Variants in ZNF83 observed in about 807,000 individuals in gnomAD.
ZNF83 encodes zinc finger protein 83, also known as zinc finger protein 816B.
For missense variants in ZNF83, 552 were observed against 629.9 expected (o/e 0.88, Z 1.32); for synonymous variants, 209 against 213.0 (o/e 0.98, Z 0.17).
At chr19:52,640,026 T>C (rs1468549384), upstream of ZNF83, among the ~76,000 whole-genome samples, 1 of 152,204 alleles carries the variant, frequency 6.6e-6, no homozygotes, top group Non-Finnish European at 1.5e-5. Context: ...TAGTTCATCC[T>C]GGCTCTATTT....
At chr19:52,641,587 T>C (rs1234168733), upstream of ZNF83, among the ~76,000 whole-genome samples, 1 of 152,186 alleles carries the variant, frequency 6.6e-6, no homozygotes, top group Non-Finnish European at 1.5e-5. Flanking sequence ...TCTTTTCTTT[T>C]ACTGTTTTTT....
At position 52,619,688 on chromosome 19, in the gene ZNF83, T is replaced by C. The variant is rs543327355; in HGVS notation, c.-233-4891A>G. 1.1e-3 allele frequency among the ~76,000 whole-genome samples: 162 copies of C among 151,354 alleles called. 1 individual carries two copies. The highest frequency in any genetic ancestry group is 6.9e-3 in the Middle Eastern group (2 of 288). On this transcript the variant is annotated intron_variant, in intron 2 of 2. Transcript: ENST00000301096. ...CACCAAGTGACACTCAGTATCTAGA[T>C]GAGATAGAGCATGAGTGATGCCTTC...
chr19:52,614,544 A>C (rs1403883375), exon 3 of ZNF83: 3 of 1,598,720 alleles, frequency 1.9e-6, no homozygotes, highest in Non-Finnish European at 2.6e-6. Context: ...GCTTTTGTGC[A>C]TCATCCTTTC....
intron 3 of ZNF83, chr19:52,654,329 T>A (rs750582887): frequency 4.9e-6 from 7 of 1,423,900 alleles, no homozygotes; most frequent in Non-Finnish European, 6.8e-6. Context: ...CTTTGCAATG[T>A]CCCTGTGTGG....
At chr19:52,653,735 A>C (rs1268493614) in intron 3 of ZNF83, among the ~76,000 whole-genome samples, 1 of 152,192 alleles carries the variant, frequency 6.6e-6, no homozygotes, top group African/African-American at 2.4e-5. Flanking sequence ...TTACACTTGT[A>C]AGGTTTTTCT....
chr19:52,627,936 C>T (rs598692), intron 2 of ZNF83, among the ~76,000 whole-genome samples: 36,602 of 151,956 alleles, frequency 0.24, 5,103 homozygotes, highest in East Asian at 0.53. Context: ...ACTGATGACA[C>T]TGTCTTTTGA....
Position 52,687,640 on chromosome 19 carries a change from T to TAC in ZNF83, c.-283+2802_-283+2803insGT. Among the ~76,000 whole-genome samples, 4 of 42,872 alleles carry TAC rather than the reference T, an allele frequency of 9.3e-5. No homozygotes were observed. In the African/African-American group the frequency reaches 1.0e-3, roughly 11 times the overall value. The allele number at this position is 42,872 out of a possible 152,430, so 28.1% of individuals were successfully genotyped here. On this transcript the variant is annotated intron_variant, in intron 1 of 5. Coordinates refer to the ZNF83 transcript ENST00000594682. ...TGTATATATATATATAATGTATATATATATATATATATATATAATGTATAT... is the reference window on the plus strand; with the variant it reads ...TGTATATATATATATAATGTATATATACATATATATATATATATAATGTATAT...
chr19:52,625,180 A>G (rs138368496), intron 2 of ZNF83, among the ~76,000 whole-genome samples: 1 of 151,658 alleles, frequency 6.6e-6, no homozygotes, highest in African/African-American at 2.4e-5. Context: ...ACTCTGCCCC[A>G]CTCCCACAGC....
chr19:52,634,230 C>A (rs1233576531), intron 2 of ZNF83, among the ~76,000 whole-genome samples: 2 of 144,516 alleles, frequency 1.4e-5, no homozygotes, highest in Non-Finnish European at 3.0e-5. Flanking sequence ...CAAGATCAGG[C>A]CGTTGCACTC....
At chr19:52,689,259 T>C (rs7246661) in intron 1 of ZNF83, among the ~76,000 whole-genome samples, 5,317 of 152,274 alleles carry the variant, frequency 0.035, 303 homozygotes, top group African/African-American at 0.12. Context: ...GTACCTAAAA[T>C]AAACAATTCT....
At chr19:52,620,266 A>G (rs372723328) in intron 2 of ZNF83, among the ~76,000 whole-genome samples, 29,302 of 115,692 alleles carry the variant, frequency 0.25, 3,577 homozygotes, top group East Asian at 0.56. Flanking sequence ...GTGTGTGTAT[A>G]TCTCTGTGTG....
chr19:52,620,723 A>T (rs999034509), intron 2 of ZNF83, among the ~76,000 whole-genome samples: 1 of 152,232 alleles, frequency 6.6e-6, no homozygotes, highest in East Asian at 1.9e-4. Flanking sequence ...ATACATCCAG[A>T]TGGTCTGAGG....
intron 2 of ZNF83, among the ~76,000 whole-genome samples, chr19:52,623,746 G>A (rs936841165): frequency 2.0e-5 from 3 of 152,070 alleles, no homozygotes; most frequent in Admixed American, 2.0e-4. Context: ...CAGGCTTTAA[G>A]GGGATTAAAG....
chr19:52,643,033 A>T (rs1175323003), upstream of ZNF83, among the ~76,000 whole-genome samples: 1 of 152,080 alleles, frequency 6.6e-6, no homozygotes, highest in Admixed American at 6.6e-5. Flanking sequence ...GGGTATCTGT[A>T]ATCCCAGCTA....
At chr19:52,670,781 A>G (rs528963914) in intron 1 of ZNF83, among the ~76,000 whole-genome samples, 4 of 152,312 alleles carry the variant, frequency 2.6e-5, no homozygotes, top group Non-Finnish European at 4.4e-5. Context: ...TTTGTTCAGA[A>G]AGGTGGGACA....
exon 3 of ZNF83, chr19:52,614,418 A>G (rs190305385): frequency 8.1e-6 from 13 of 1,613,614 alleles, no homozygotes; most frequent in African/African-American, 5.3e-5. Context: ...CTAAGGAACT[A>G]CTGTTGACAG....
chr19:52,687,476 C>A (rs199796389), intron 1 of ZNF83, among the ~76,000 whole-genome samples: 983 of 45,634 alleles, frequency 0.022, 326 homozygotes, highest in African/African-American at 0.11. Flanking sequence ...ATTTATATAT[C>A]TATATAAATT....
At chr19:52,657,755 G>T (rs2061525222) in intron 2 of ZNF83, among the ~76,000 whole-genome samples, 1 of 151,930 alleles carries the variant, frequency 6.6e-6, no homozygotes, top group African/African-American at 2.4e-5. Context: ...GCTGAGGCAG[G>T]AGAATCGCTT....
chr19:52,631,029 C>T (rs1044745632), intron 2 of ZNF83, among the ~76,000 whole-genome samples: 1 of 147,976 alleles, frequency 6.8e-6, no homozygotes. Context: ...CTCACACATG[C>T]TTTCTTTACT....
Sources: gnomAD v4.1 joint callset for allele counts (sites outside exome capture counted in the v4.1 genomes callset) on GRCh38, gnomAD v4.1.1 for gene constraint, MANE v1.5 for transcripts, NCBI Gene and HGNC (gene_info 2026-07-23, HGNC 2026-07-21) for gene names.